Variants in EPS15 observed in about 807,000 individuals in gnomAD.
EPS15 encodes epidermal growth factor receptor substrate 15.
EPS15 carries 72 observed loss-of-function variants against 113.8 expected under a neutral mutation model. The observed-to-expected ratio is 0.63, with a 90% CI of 0.52 to 0.77. EPS15 has a LOEUF of 0.77. Among genes scored for constraint, EPS15 ranks in the 30% least tolerant of loss-of-function variants. EPS15 has a pLI of 0.00. For missense variants in EPS15, 1,048 were observed against 1,045.8 expected (o/e 1.00, Z -0.03); for synonymous variants, 344 against 363.4 (o/e 0.95, Z 0.61).
rs2148333508 is a variant in EPS15 at position 51,356,415 on chromosome 1, A to T, written c.*285T>A. The T allele has an allele frequency of 3.1e-6, 1 of 323,752 alleles. No homozygotes were observed. Among genetic ancestry groups the T allele is most frequent in the East Asian group, 5.3e-5 (1 of 18,960 alleles). 20.1% of individuals were successfully genotyped at this position (323,752 alleles called of 1,614,324 possible). A position where few individuals can be genotyped will look rare whatever the true frequency, so the allele number is the denominator to read the frequency against. On this transcript the variant is annotated 3_prime_UTR_variant, in exon 25 of 25. Transcript: ENST00000371733. ...AGAAGCTTGGGTGCTCTAGCTTTAC[A>T]AGTAAAATAGCACAGGCAGGCAAAA...
intron 20 of EPS15, among the ~76,000 whole-genome samples, chr1:51,395,903 T>C (rs914686303): frequency 1.1e-4 from 17 of 152,156 alleles, no homozygotes; most frequent in African/African-American, 4.1e-4. Context: ...TATCAAGAAG[T>C]TGGATATTAC....
At chr1:51,373,302 A>C in intron 21 of EPS15, 1 of 153,334 alleles carries the variant, frequency 6.5e-6, no homozygotes, top group Non-Finnish European at 1.5e-5. Flanking sequence ...GTTCTTGTTA[A>C]AAAGCTGTCC....
At chr1:51,498,074 C>T (rs1400949155) in intron 1 of EPS15, among the ~76,000 whole-genome samples, 1 of 151,984 alleles carries the variant, frequency 6.6e-6, no homozygotes, top group African/African-American at 2.4e-5. Flanking sequence ...ACTTAAACCC[C>T]CCTTTTCCAA....
At chr1:51,445,142 T>A in intron 10 of EPS15, 97 bp from the exon 11 acceptor site, 2 of 1,169,168 alleles carry the variant, frequency 1.7e-6, no homozygotes, top group Non-Finnish European at 1.2e-6. Context: ...AATAATGAGG[T>A]GAATTTAAAA....
At chr1:51,373,823 C>T (rs188520741) in intron 21 of EPS15, among the ~76,000 whole-genome samples, 4 of 152,086 alleles carry the variant, frequency 2.6e-5, no homozygotes, top group Admixed American at 6.5e-5. Context: ...TGGTGGTGCA[C>T]GCCTGTAATC....
intron 8 of EPS15, among the ~76,000 whole-genome samples, chr1:51,451,134 G>A (rs1242523255): frequency 6.6e-6 from 1 of 151,800 alleles, no homozygotes; most frequent in Non-Finnish European, 1.5e-5. Flanking sequence ...TGTGTTTAGT[G>A]GGTTATCTTT....
chr1:51,480,678 T>C (rs1644004782), intron 2 of EPS15, among the ~76,000 whole-genome samples: 1 of 152,162 alleles, frequency 6.6e-6, no homozygotes, highest in Non-Finnish European at 1.5e-5. Context: ...CAAACCCAGC[T>C]AATTTTGTAT....
At chr1:51,432,276 A>C (rs1651791847) in intron 12 of EPS15, among the ~76,000 whole-genome samples, 1 of 152,090 alleles carries the variant, frequency 6.6e-6, no homozygotes, top group Non-Finnish European at 1.5e-5. Flanking sequence ...AACTCAGAAC[A>C]GGTACAAAGA....
intron 2 of EPS15, among the ~76,000 whole-genome samples, chr1:51,478,351 C>T (rs1319760328): frequency 1.3e-5 from 2 of 152,260 alleles, no homozygotes; most frequent in Non-Finnish European, 2.9e-5. Flanking sequence ...ATGTGTGTCT[C>T]TGCACATGAG....
chr1:51,413,893 C>T (rs111876348), intron 13 of EPS15, among the ~76,000 whole-genome samples: 1 of 152,144 alleles, frequency 6.6e-6, no homozygotes, highest in African/African-American at 2.4e-5. Context: ...AGGCTACAGG[C>T]ATGTGCCACC....
At chr1:51,368,980 A>G (rs1005569595) in intron 21 of EPS15, among the ~76,000 whole-genome samples, 3 of 152,118 alleles carry the variant, frequency 2.0e-5, no homozygotes, top group South Asian at 4.1e-4. Context: ...AGGGAAAAAG[A>G]GTTGGGCTCA....
intron 21 of EPS15, among the ~76,000 whole-genome samples, chr1:51,374,172 T>C (rs1249542669): frequency 6.6e-6 from 1 of 152,190 alleles, no homozygotes; most frequent in African/African-American, 2.4e-5. Context: ...CCCTTCTATA[T>C]CCTCAGGATG....
intron 2 of EPS15, among the ~76,000 whole-genome samples, chr1:51,474,671 TTTTC>T (rs1444589755): frequency 1.3e-5 from 2 of 151,956 alleles, no homozygotes; most frequent in African/African-American, 4.8e-5. Context: ...AATGAAATAG[TTTTC>T]TTTTTTTATT....
At chr1:51,421,893 G>A in intron 12 of EPS15, 35 bp from the exon 13 acceptor site, 3 of 1,609,694 alleles carry the variant, frequency 1.9e-6, no homozygotes, top group Non-Finnish European at 2.5e-6. Context: ...GAATATTTTA[G>A]AACATCAGCT....
At chr1:51,488,046 A>G (rs1304028327) in intron 1 of EPS15, among the ~76,000 whole-genome samples, 2 of 152,240 alleles carry the variant, frequency 1.3e-5, no homozygotes, top group Non-Finnish European at 2.9e-5. Flanking sequence ...CAAGATCATA[A>G]ATGATTTTTA....
Position 51,472,867 on chromosome 1 carries a change from G to T in EPS15, c.157C>A (p.Leu53Ile), listed in dbSNP as rs141244447. ...TAATGAACGAATACTACCTTTCCAA[G>T]TATCAAGTCTGGAAGCCCTGATTTT... The part of the protein sequence containing the change: ...LKKSGLPDLI[L>I]GKIWDLADTD... The change falls in exon 3 of 25, where the codon CTT becomes ATT. Residue 53 changes from leucine to isoleucine, a missense_variant. Coordinates refer to ENST00000371733, the MANE Select transcript of EPS15 (RefSeq NM_001981.3). 1.2e-6 allele frequency: 2 copies of T among 1,609,854 alleles called. No homozygotes were observed. The highest frequency in any genetic ancestry group is 1.3e-5 in the African/African-American group (1 of 74,808).
intron 21 of EPS15, among the ~76,000 whole-genome samples, chr1:51,379,267 A>T (rs1270152560): frequency 6.6e-6 from 1 of 152,084 alleles, no homozygotes; most frequent in African/African-American, 2.4e-5. Context: ...CTACAGGCGC[A>T]AGCCACCACG....
Position 51,362,534 on chromosome 1 carries a change from G to A in EPS15, c.2360-1179C>T, listed in dbSNP as rs145190028. 9.0e-4 allele frequency among the ~76,000 whole-genome samples: 137 copies of A among 152,254 alleles called. 1 individual carries two copies. Among genetic ancestry groups the A allele is most frequent in the African/African-American group, 3.2e-3 (133 of 41,564 alleles). ...TCATGCAAGTTGTAAAAACTTAAAT[G>A]TGCAAATTAACCATTATTTATTTTT... On this transcript the variant is annotated intron_variant, in intron 23 of 24. Transcript: ENST00000371733.
chr1:51,388,683 C>T lies in EPS15; in HGVS notation c.2119+5698G>A, dbSNP rs202038478. Reference sequence around the variant, plus strand: ...TACAAACTACCATCAGAGAATACTACAAACACCTCTATGCAAATAAACTAG... The same window carrying T: ...TACAAACTACCATCAGAGAATACTATAAACACCTCTATGCAAATAAACTAG... On this transcript the variant is annotated intron_variant, in intron 21 of 24. Coordinates refer to ENST00000371733, the MANE Select transcript of EPS15 (RefSeq NM_001981.3). Among the ~76,000 whole-genome samples the T allele has an allele frequency of 1.0e-2, 1,516 of 152,170 alleles. 83 individuals are homozygous for T. In the East Asian group the frequency reaches 0.13, roughly 13 times the overall value.
Sources: gnomAD v4.1 joint callset for allele counts (sites outside exome capture counted in the v4.1 genomes callset) on GRCh38, gnomAD v4.1.1 for gene constraint, MANE v1.5 for transcripts, NCBI Gene and HGNC (gene_info 2026-07-23, HGNC 2026-07-21) for gene names.